The following DHPS variants were observed in gnomAD, a reference collection of about 807,000 sequenced individuals.
DHPS encodes the protein migration-inducing gene 13.
A neutral mutation model predicts 38.7 loss-of-function variants in DHPS; 24 were observed. That is an observed-to-expected ratio of 0.62 (90% CI 0.45 to 0.87). DHPS has a LOEUF of 0.87. Among genes scored for constraint, DHPS ranks in the 40% least tolerant of loss-of-function variants. DHPS has a pLI of 0.00. For synonymous variants in DHPS, 250 were observed against 204.4 expected (o/e 1.22, Z -1.90); for missense variants, 510 against 497.6 (o/e 1.02, Z -0.24).
Position 12,681,565 on chromosome 19 carries a change from C to G in DHPS, c.202G>C (p.Ala68Pro). The part of the protein sequence containing the change: ...NFGRAVQQVN[A>P]MIEKKLEPLS... ...AAATTCCGCCCGGTCCTCACCATGG[C>G]ATTGACTTGCTGTACAGCGCGCCCG... is the stretch of plus-strand genomic sequence containing the variant. The change falls in exon 1 of 9, where the codon GCC becomes CCC. Residue 68 changes from alanine to proline, a missense_variant. Transcript: ENST00000210060. 6.2e-7 allele frequency: 1 copy of G among 1,614,282 alleles called. No homozygotes were observed. Among genetic ancestry groups the G allele is most frequent in the South Asian group, 1.1e-5 (1 of 91,090 alleles).
At chr19:12,673,378 C>A (rs1409074668), downstream of DHPS, 2 of 1,033,196 alleles carry the variant, frequency 1.9e-6, no homozygotes, top group South Asian at 1.3e-5. Context: ...CCTGTCCTTA[C>A]CTCAGTCACT....
downstream of DHPS, chr19:12,673,465 T>C: frequency 1.7e-6 from 1 of 598,570 alleles, no homozygotes; most frequent in African/African-American, 2.0e-5. Context: ...TCGCCCAGGC[T>C]AGAGTGCAGT....
Position 12,677,115 on chromosome 19 carries a change from T to C in DHPS, c.881A>G (p.Asn294Ser), listed in dbSNP as rs149307460. 3 of 1,613,918 alleles carry C rather than the reference T, an allele frequency of 1.9e-6. No individual in the cohort carries two copies. Among genetic ancestry groups the C allele is most frequent in the African/African-American group, 1.3e-5 (1 of 74,942 alleles). ...GVVKHHIANA[N>S]LMRNGADYAV... ...AGCGCCACCCCCACTCACCATGAGGTTGGCATTGGCAATGTGGTGCTTGAC... is the reference window on the plus strand; with the variant it reads ...AGCGCCACCCCCACTCACCATGAGGCTGGCATTGGCAATGTGGTGCTTGAC... The change falls in exon 7 of 9, where the codon AAC (asparagine) becomes AGC (serine). Residue 294 changes from asparagine (N) to serine (S), a missense_variant. By Grantham distance (46) the Asn-to-Ser change is conservative. Coordinates refer to ENST00000210060, the MANE Select transcript of DHPS (RefSeq NM_001930.4).
At chr19:12,681,503 C>A (rs1332651445) in intron 1 of DHPS, 57 bp downstream of exon 1, 2 of 1,591,966 alleles carry the variant, frequency 1.3e-6, no homozygotes, top group Non-Finnish European at 1.7e-6. Flanking sequence ...TCTAGTACCG[C>A]GTTGGTTCTA....
At chr19:12,673,410 CTTTTTTT>C (rs58676851), downstream of DHPS, 123 of 247,854 alleles carry the variant, frequency 5.0e-4, no homozygotes, top group African/African-American at 1.7e-3. Context: ...AGGCTAGGAT[CTTTTTTT>C]TTTTTTTTTT....
At chr19:12,673,411 T>C, downstream of DHPS, 1 of 92,834 alleles carries the variant, frequency 1.1e-5, no homozygotes, top group African/African-American at 7.3e-5. Context: ...GGCTAGGATC[T>C]TTTTTTTTTT....
downstream of DHPS, chr19:12,672,977 C>A: frequency 6.2e-7 from 1 of 1,601,750 alleles, no homozygotes; most frequent in Non-Finnish European, 8.5e-7. Context: ...GGGCACCCCA[C>A]CCTCACTCAC....
At chr19:12,673,608 G>A (rs1159360345), downstream of DHPS, among the ~76,000 whole-genome samples, 1 of 151,922 alleles carries the variant, frequency 6.6e-6, no homozygotes, top group African/African-American at 2.4e-5. Context: ...AGTAGAGACA[G>A]GGTTTCACTA....
downstream of DHPS, chr19:12,675,425 G>A: frequency 2.7e-6 from 4 of 1,500,872 alleles, no homozygotes; most frequent in Non-Finnish European, 3.6e-6. Flanking sequence ...AGGTGACTGA[G>A]GGCTTCAGGC....
downstream of DHPS, chr19:12,673,451 T>C (rs2024482471): frequency 1.4e-5 from 9 of 646,832 alleles, no homozygotes; most frequent in South Asian, 1.8e-4. Context: ...CAAGTCTTGC[T>C]CTGTCGCCCA....
downstream of DHPS, among the ~76,000 whole-genome samples, chr19:12,673,635 C>G (rs2024487105): frequency 6.6e-6 from 1 of 152,038 alleles, no homozygotes; most frequent in Non-Finnish European, 1.5e-5. Context: ...TCAGGCTGGT[C>G]TTAAACTCCT....
At position 12,675,861 on chromosome 19, in the gene DHPS, T is replaced by A. The variant is rs751841556; in HGVS notation, c.1087A>T (p.Met363Leu). ...GCTCAGTCCTCGTTCTTCTCATGCA[T>A]GAAGGCATCCATCTTCTGGGCAAAG... is the stretch of plus-strand genomic sequence containing the variant. ...ETFAQKMDAF[M>L]HEKNED Residue 363 changes from methionine to leucine, a missense_variant, in exon 9 of 9, where the codon ATG (methionine) becomes TTG (leucine). Coordinates refer to ENST00000210060, the MANE Select transcript of DHPS (RefSeq NM_001930.4). The A allele has an allele frequency of 6.2e-7, 1 of 1,607,904 alleles. No homozygotes were observed. Among genetic ancestry groups the A allele is most frequent in the East Asian group, 2.2e-5 (1 of 44,828 alleles).
chr19:12,681,189 G>T, intron 1 of DHPS: 1 of 1,226,556 alleles, frequency 8.2e-7, no homozygotes, highest in Non-Finnish European at 1.0e-6. Flanking sequence ...TCCCTTCCCC[G>T]CTGGGAAAAG....
At chr19:12,679,413 C>A in intron 5 of DHPS, 44 bp downstream of exon 5, 1 of 1,568,318 alleles carries the variant, frequency 6.4e-7, no homozygotes, top group Non-Finnish European at 8.8e-7. Context: ...AATAAGTTAA[C>A]ACATGCCAAA....
intron 5 of DHPS, among the ~76,000 whole-genome samples, chr19:12,678,489 G>A (rs2024689442): frequency 6.6e-6 from 1 of 151,816 alleles, no homozygotes; most frequent in Non-Finnish European, 1.5e-5. Context: ...GAGTAAGTAG[G>A]CTGGGTGTGG....
chr19:12,679,385 AG>A, intron 5 of DHPS, 71 bp downstream of exon 5: 5 of 1,376,568 alleles, frequency 3.6e-6, no homozygotes, highest in Non-Finnish European at 5.2e-6. Context: ...CTGAATCCCC[AG>A]GAGGCTGGAA....
downstream of DHPS, among the ~76,000 whole-genome samples, chr19:12,674,324 G>A (rs1227868969): frequency 4.6e-5 from 7 of 152,208 alleles, no homozygotes; most frequent in Non-Finnish European, 1.5e-5. Flanking sequence ...GCCTGGTGGG[G>A]AGTCAGGCCA....
At chr19:12,675,378 G>T, downstream of DHPS, 1 of 1,148,466 alleles carries the variant, frequency 8.7e-7, no homozygotes, top group Non-Finnish European at 1.2e-6. Context: ...GCAGTGTCTA[G>T]GAGGCAATTA....
chr19:12,676,001 C>G lies in DHPS; in HGVS notation c.1014+16G>C. On this transcript the variant is annotated intron_variant, in intron 8 of 8. Transcript: ENST00000210060. The stretch of plus-strand genomic sequence containing the variant: ...ATCGTCCCAGAGACCCTATGCCCCA[C>G]CCAGCCAGCGCTTACCTTGACGGGC... The G allele has an allele frequency of 6.2e-7, 1 of 1,611,822 alleles. No homozygotes were observed. The highest frequency in any genetic ancestry group is 8.5e-7 in the Non-Finnish European group (1 of 1,178,512).
Sources: gnomAD v4.1 joint callset for allele counts (sites outside exome capture counted in the v4.1 genomes callset) on GRCh38, gnomAD v4.1.1 for gene constraint, MANE v1.5 for transcripts, NCBI Gene and HGNC (gene_info 2026-07-23, HGNC 2026-07-21) for gene names.